The following CD27 variants were observed in gnomAD, a reference collection of about 807,000 sequenced individuals.
The protein encoded by CD27 is CD27 molecule.
Under a neutral mutation model 25.9 loss-of-function variants are expected in CD27, and 16 were observed. That is an observed-to-expected ratio of 0.62 (90% confidence interval 0.42 to 0.94). CD27 has a LOEUF of 0.94. Among genes scored for constraint, CD27 ranks in the 40% least tolerant of loss-of-function variants. The pLI, the probability that CD27 is intolerant of heterozygous loss-of-function variation, is 0.00. For synonymous variants in CD27, 142 were observed against 124.3 expected, an observed-to-expected ratio of 1.14 and a Z score of -0.95; for missense variants, 300 against 333.2, an observed-to-expected ratio of 0.90 and a Z score of 0.78.
intron 2 of CD27, chr12:6,447,132 A>T (rs1949427585): frequency 6.6e-6 from 1 of 152,202 alleles, no homozygotes; most frequent in African/African-American, 2.4e-5. Context: ...TCCATTGCAA[A>T]TCAACCAAAA....
chr12:6,451,076 C>T lies in CD27; in HGVS notation c.658+62C>T. 1.9e-6 allele frequency: 3 copies of T among 1,608,260 alleles called. No homozygotes were observed. The East Asian group carries it at 6.7e-5, about 36-fold the overall frequency. On this transcript the variant is annotated intron_variant, in intron 5 of 5. Transcript: ENST00000266557. ...GCACCACACCCCACTGGCTCAACCC[C>T]ACTGCCCACGCCTGGAATCTCACTG...
At chr12:6,446,775 T>G (rs73267395) in intron 2 of CD27, among the ~76,000 whole-genome samples, 10,938 of 109,800 alleles carry the variant, frequency 0.1, 832 homozygotes, top group African/African-American at 0.23. Context: ...AAAACCCTTT[T>G]TCACACACAC....
intron 2 of CD27, chr12:6,447,071 G>A (rs1200075365): frequency 1.3e-5 from 2 of 152,026 alleles, no homozygotes; most frequent in African/African-American, 2.4e-5. Context: ...GGGAGACAGA[G>A]TGAGCAGAGT....
upstream of CD27, among the ~76,000 whole-genome samples, chr12:6,444,163 G>A (rs1949381269): frequency 6.6e-6 from 1 of 152,312 alleles, no homozygotes; most frequent in Non-Finnish European, 1.5e-5. Flanking sequence ...TGAGGAGTGA[G>A]CAAGGGTCTG....
In CD27 at chr12:6,451,309, T is replaced by C; in HGVS notation, c.700T>C (p.Tyr234His). The part of the protein sequence containing the change: ...SPVEPAEPCH[Y>H]SCPREEEGST... ...TGTGGAGCCTGCAGAGCCTTGTCAT[T>C]ACAGCTGCCCCAGGGAGGAGGAGGG... Residue 234 changes from tyrosine to histidine, a missense_variant, in exon 6 of 6, where the codon TAC becomes CAC. Transcript: ENST00000266557. 6.2e-7 allele frequency: 1 copy of C among 1,614,032 alleles called. No homozygotes were observed.
rs976980208 is a variant in CD27, at chr12:6,451,664, A to G, written c.*272A>G. ...GTTGTAAAACACACTTCCTGCTGCGAAAGACCCACATGCTACAAGACGGGC... is the reference window on the plus strand; with the variant it reads ...GTTGTAAAACACACTTCCTGCTGCGGAAGACCCACATGCTACAAGACGGGC... On this transcript the variant is annotated 3_prime_UTR_variant, in exon 6 of 6. Coordinates refer to ENST00000266557, the MANE Select transcript of CD27 (RefSeq NM_001242.5). 1.9e-5 allele frequency: 8 copies of G among 425,698 alleles called. No homozygotes were observed. The highest frequency in any genetic ancestry group is 1.6e-4 in the African/African-American group (8 of 50,280). The allele number at this position is 425,698 out of a possible 1,614,324, so 26.4% of individuals were successfully genotyped here. A position where few individuals can be genotyped will look rare whatever the true frequency, so the allele number is the denominator to read the frequency against.
intron 2 of CD27, among the ~76,000 whole-genome samples, chr12:6,449,195 C>G (rs925771445): frequency 6.6e-6 from 1 of 152,034 alleles, no homozygotes; most frequent in Non-Finnish European, 1.5e-5. Context: ...CGGGGTTTCA[C>G]CATGTTGGCC....
At chr12:6,451,226 G>A (rs1949539413) in intron 5 of CD27, 42 bp from the exon 6 acceptor site, 1 of 1,603,278 alleles carries the variant, frequency 6.2e-7, no homozygotes, top group Non-Finnish European at 8.5e-7. Flanking sequence ...GTCTCCCCCT[G>A]CCCCCACTGC....
upstream of CD27, among the ~76,000 whole-genome samples, chr12:6,444,536 G>A (rs149898489): frequency 6.6e-6 from 1 of 152,078 alleles, no homozygotes; most frequent in East Asian, 1.9e-4. Flanking sequence ...TCAGATAAGA[G>A]CTTGTGGACC....
chr12:6,444,919 G>A (rs936741421), upstream of CD27: 77 of 639,224 alleles, frequency 1.2e-4, no homozygotes, highest in African/African-American at 1.2e-3. Flanking sequence ...GCTGCTATGA[G>A]AGAGAAAAAA....
upstream of CD27, among the ~76,000 whole-genome samples, chr12:6,444,653 G>A (rs11569362): frequency 2.8e-3 from 272 of 95,908 alleles, 1 homozygote; most frequent in Middle Eastern, 0.048. Context: ...AACTGTGGAC[G>A]GGGGGGTGGG....
Position 6,445,624 on chromosome 12 carries a change from G to C in CD27, c.268+69G>C. ...TCTGGGGGAGCAAGGCTGGTGACGG[G>C]TTTGGGGGTGCAAGGAGGATGACGG... On this transcript the variant is annotated intron_variant, in intron 2 of 5. Coordinates refer to ENST00000266557, the MANE Select transcript of CD27 (RefSeq NM_001242.5). This position sits in a 1 kb window ranked among gnomAD's most constrained non-coding sequence, Gnocchi z 4.5. 2 of 1,562,300 alleles carry C rather than the reference G, an allele frequency of 1.3e-6. No individual in the cohort carries two copies. The highest frequency in any genetic ancestry group is 8.7e-7 in the Non-Finnish European group (1 of 1,155,884).
chr12:6,449,227 G>C (rs57682654), intron 2 of CD27, among the ~76,000 whole-genome samples: 1 of 151,930 alleles, frequency 6.6e-6, no homozygotes, highest in Admixed American at 6.6e-5. Context: ...AAACTCCTGA[G>C]CTCAAGCAAT....
At position 6,450,751 on chromosome 12, in the gene CD27, G is replaced by C. The variant is rs571184585; in HGVS notation, c.538+121G>C. On this transcript the variant is annotated intron_variant, in intron 4 of 5. Transcript: ENST00000266557. This position sits in a 1 kb window ranked among gnomAD's most constrained non-coding sequence, Gnocchi z 4.1. The stretch of plus-strand genomic sequence containing the variant: ...AGGAGGGGAAAAAGCAGAGTCCACT[G>C]TTTAGGAGAGGAGTTGGCCAACGGT... 9 of 1,420,776 alleles carry C rather than the reference G, an allele frequency of 6.3e-6. No homozygotes were observed. Among genetic ancestry groups the C allele is most frequent in the Middle Eastern group, 1.8e-4 (1 of 5,592 alleles). The allele number at this position is 1,420,776 out of a possible 1,614,324, so 88.0% of individuals were successfully genotyped here.
upstream of CD27, among the ~76,000 whole-genome samples, chr12:6,444,670 G>T (rs1200807446): frequency 6.4e-5 from 9 of 139,714 alleles, no homozygotes; most frequent in African/African-American, 2.3e-4. Context: ...TGGGTGGGGG[G>T]GGGTAACGTG....
At position 6,450,296 on chromosome 12, in the gene CD27, G is replaced by A. The variant is rs776987985; in HGVS notation, c.392G>A (p.Arg131Gln). ...CTTCCAAACCCTTCGCTGACCGCTC[G>A]GTCGTCTCAGGCCCTGAGCCCACAC... ...DPLPNPSLTA[R>Q]SSQALSPHPQ... Residue 131 changes from arginine (R) to glutamine (Q), a missense_variant, in exon 3 of 6, where the codon CGG becomes CAG. Arg to Gln is a conservative substitution (Grantham distance 43). Transcript: ENST00000266557. The surrounding 1 kb of genome is among the most constrained non-coding windows in gnomAD (Gnocchi z 4.1). The A allele has an allele frequency of 1.9e-5, 30 of 1,613,498 alleles. No homozygotes were observed. The highest frequency in any genetic ancestry group is 1.3e-4 in the South Asian group (12 of 91,086).
chr12:6,451,085 C>G, intron 5 of CD27, 71 bp downstream of exon 5: 1 of 1,601,528 alleles, frequency 6.2e-7, no homozygotes, highest in Non-Finnish European at 8.5e-7. Flanking sequence ...CCACTGCCCA[C>G]GCCTGGAATC....
chr12:6,445,194 G>A lies in CD27; in HGVS notation c.99G>A (p.Trp33Ter), dbSNP rs1406423782. 1 of 1,613,632 alleles carries A rather than the reference G, an allele frequency of 6.2e-7. No homozygotes were observed. The highest frequency in any genetic ancestry group is 1.3e-5 in the African/African-American group (1 of 74,922). ...APKSCPERHY[W>*]AQGKLCCQMC... The stretch of plus-strand genomic sequence containing the variant: ...AGAGCTGCCCAGAGAGGCACTACTG[G>A]GCTCAGGGAAAGCTGTGCTGCCAGA... The change falls in exon 1 of 6, where the codon TGG (tryptophan) becomes TGA (stop). Residue 33 changes from tryptophan (W) to a stop codon, truncating the protein, a stop_gained. Coordinates refer to ENST00000266557, the MANE Select transcript of CD27 (RefSeq NM_001242.5). LOFTEE classifies it high-confidence loss of function. The surrounding 1 kb of genome is among the most constrained non-coding windows in gnomAD (Gnocchi z 4.5).
At chr12:6,451,203 A>G (rs1949538447) in intron 5 of CD27, 65 bp from the exon 6 acceptor site, 3 of 1,585,416 alleles carry the variant, frequency 1.9e-6, no homozygotes, top group African/African-American at 1.4e-5. Context: ...GCCTCTACCC[A>G]TCTCCTTCTC....
Sources: allele counts gnomAD v4.1 joint callset (sites outside exome capture counted in the v4.1 genomes callset), GRCh38; gene constraint gnomAD v4.1.1; non-coding constraint Gnocchi (gnomAD v3.1); transcripts MANE v1.5; gene names NCBI Gene and HGNC (gene_info 2026-07-23, HGNC 2026-07-21).